DAW1: variants seen among roughly 807,000 people sequenced by gnomAD.
The protein encoded by DAW1 is dynein assembly factor with WD repeats 1, also known as dynein assembly factor with WD repeat domains 1.
Under a neutral mutation model 56.5 loss-of-function variants are expected in DAW1, and 47 were observed. The ratio of observed to expected loss-of-function variants is 0.83; its 90% CI spans 0.66 to 1.06. The LOEUF is 1.06. Among genes scored for constraint, DAW1 ranks in the 50% least tolerant of loss-of-function variants. The pLI, the probability that DAW1 is intolerant of heterozygous loss-of-function variation, is 0.00. For synonymous variants in DAW1, 190 were observed against 179.0 expected, an observed-to-expected ratio of 1.06 and a Z score of -0.49; for missense variants, 505 against 499.3, an observed-to-expected ratio of 1.01 and a Z score of -0.11.
chr2:227,911,334 GTATA>G (rs577818752), intron 10 of DAW1, among the ~76,000 whole-genome samples: 1 of 72,226 alleles, frequency 1.4e-5, no homozygotes. Flanking sequence ...ATATACATGT[GTATA>G]TATACACATG....
At chr2:227,906,205 T>C (rs1432667225) in intron 8 of DAW1, 31 bp from the exon 9 acceptor site, 3 of 1,552,272 alleles carry the variant, frequency 1.9e-6, no homozygotes, top group East Asian at 4.5e-5. Context: ...TAAGATATCT[T>C]TCACTAGTTT....
At chr2:227,903,593 T>C (rs1004910667) in intron 7 of DAW1, among the ~76,000 whole-genome samples, 2 of 152,054 alleles carry the variant, frequency 1.3e-5, no homozygotes, top group Non-Finnish European at 2.9e-5. Context: ...GGCATGCTCT[T>C]GTGTGTCACC....
rs768133407 is a variant in DAW1, at chr2:227,885,335, T to C, written c.41-16T>C. 6.4e-7 allele frequency: 1 copy of C among 1,551,428 alleles called. No individual in the cohort carries two copies. The highest frequency in any genetic ancestry group is 2.3e-5 in the East Asian group (1 of 43,200). Reference sequence around the variant, plus strand: ...TTATCGTAAGTGTTTTATAACATGTTTGTTTATTTCTATAGGAATTATGTT... The same window carrying C: ...TTATCGTAAGTGTTTTATAACATGTCTGTTTATTTCTATAGGAATTATGTT... On this transcript the variant is annotated splice_polypyrimidine_tract_variant and intron_variant, in intron 1 of 12. Transcript: ENST00000309931.
intron 10 of DAW1, among the ~76,000 whole-genome samples, chr2:227,916,545 T>C (rs1418660327): frequency 6.6e-6 from 1 of 152,186 alleles, no homozygotes; most frequent in East Asian, 1.9e-4. Context: ...TATTTCTCTG[T>C]CATCTTCTTG....
intron 10 of DAW1, among the ~76,000 whole-genome samples, chr2:227,913,999 TC>T (rs1691893588): frequency 2.0e-5 from 3 of 151,872 alleles, no homozygotes; most frequent in Non-Finnish European, 2.9e-5. Flanking sequence ...TCTCTCTCTC[TC>T]TCTCTCTCTC....
At chr2:227,900,958 C>G (rs1255255340) in intron 6 of DAW1, among the ~76,000 whole-genome samples, 2 of 152,164 alleles carry the variant, frequency 1.3e-5, no homozygotes, top group Non-Finnish European at 2.9e-5. Flanking sequence ...AGGTTATATA[C>G]TATGCTAAGG....
chr2:227,918,131 T>C (rs1437014242), intron 10 of DAW1, among the ~76,000 whole-genome samples: 4 of 145,524 alleles, frequency 2.7e-5, no homozygotes, highest in Non-Finnish European at 6.0e-5. Context: ...TCTCCATCCA[T>C]CCATCCATCC....
At chr2:227,909,262 A>ATCTGTCTGTCTGTCTGTCTG (rs1182910941) in intron 10 of DAW1, among the ~76,000 whole-genome samples, 2 of 139,692 alleles carry the variant, frequency 1.4e-5, no homozygotes, top group African/African-American at 5.2e-5. Flanking sequence ...CTATCTATCT[A>ATCTGTCTGTCTGTCTGTCTG]TCTATCTATC....
chr2:227,917,112 G>GTATCTATCTATCTATC lies in DAW1; in HGVS notation c.974-1650_974-1635dup, dbSNP rs57043132. ...GTCTCCCTCATGACCATGCATGACA[G>GTATCTATCTATCTATC]TATCTATCTATCTATCTATCTATCT... On this transcript the variant is annotated intron_variant, in intron 10 of 12. Transcript: ENST00000309931. Among the ~76,000 whole-genome samples, 176 of 148,528 alleles carry GTATCTATCTATCTATC rather than the reference G, an allele frequency of 1.2e-3. 1 individual carries two copies. Among genetic ancestry groups the GTATCTATCTATCTATC allele is most frequent in the Admixed American group, 1.8e-3 (27 of 14,836 alleles).
Position 227,898,279 on chromosome 2 carries a change from A to G in DAW1, c.538A>G (p.Ile180Val), listed in dbSNP as rs1307699125. 2.7e-6 allele frequency: 4 copies of G among 1,471,464 alleles called. No individual in the cohort carries two copies. The highest frequency in any genetic ancestry group is 2.7e-6 in the Non-Finnish European group (3 of 1,095,942). The allele number at this position is 1,471,464 out of a possible 1,614,324, so 91.2% of individuals were successfully genotyped here. A position where few individuals can be genotyped will look rare whatever the true frequency, so the allele number is the denominator to read the frequency against. The change falls in exon 6 of 13, where the codon ATA becomes GTA. Residue 180 changes from isoleucine to valine, a missense_variant and splice_region_variant. By Grantham distance (29) the Ile-to-Val change is conservative. Transcript: ENST00000309931. ...YHTFRGHTAE[I>V]VCLSFNPQST... is the part of the protein sequence containing the mutation. ...TACCTTCAGGGGTCATACAGCAGAA[A>G]TAGTGAGTATATTTAACAATTTATT...
chr2:227,889,832 A>G (rs1367805104), intron 2 of DAW1, 24 bp from the exon 3 acceptor site: 7 of 1,538,030 alleles, frequency 4.6e-6, no homozygotes, highest in Non-Finnish European at 5.2e-6. Context: ...AAATAAAAGA[A>G]ACTCTTTTTT....
rs543341354 is a variant in DAW1 at position 227,880,387 on chromosome 2, T to C, written c.41-4964T>C. On this transcript the variant is annotated intron_variant, in intron 1 of 12. Transcript: ENST00000309931. ...TTAATATGACACAAACAGTCTTTTT[T>C]TTTTTTTTTTACTCTAGGGAAATAA... is the stretch of plus-strand genomic sequence containing the variant. 2.0e-5 allele frequency among the ~76,000 whole-genome samples: 3 copies of C among 152,024 alleles called. No homozygotes were observed. In the South Asian group the frequency reaches 6.2e-4, roughly 32 times the overall value.
intron 1 of DAW1, among the ~76,000 whole-genome samples, chr2:227,881,093 A>G (rs573299817): frequency 5.9e-5 from 9 of 152,358 alleles, no homozygotes; most frequent in African/African-American, 1.7e-4. Flanking sequence ...AAAAGCCCAA[A>G]GAGGGTATAT....
At chr2:227,921,058 C>G (rs1692094550) in intron 11 of DAW1, among the ~76,000 whole-genome samples, 1 of 152,116 alleles carries the variant, frequency 6.6e-6, no homozygotes, top group Non-Finnish European at 1.5e-5. Context: ...TCATCCACAC[C>G]AGGGCCCTGC....
rs143319558 is a variant in DAW1 at position 227,904,953 on chromosome 2, T to C, written c.673T>C (p.Leu225=). ...GGGACATTCTGCCGAAATCATCTCC[T>C]TGTCATTTAACACCTCAGGAGACAG... ...LRGHSAEIIS[L]SFNTSGDRII... Residue 225 remains leucine, a synonymous_variant, in exon 8 of 13, where the codon TTG becomes CTG. Transcript: ENST00000309931. 7.3e-5 allele frequency: 118 copies of C among 1,613,534 alleles called. 1 individual carries two copies. The African/African-American group carries it at 1.4e-3, about 19-fold the overall frequency.
chr2:227,908,364 A>T (rs886852264), intron 10 of DAW1, among the ~76,000 whole-genome samples: 4 of 151,914 alleles, frequency 2.6e-5, no homozygotes, highest in African/African-American at 9.7e-5. Context: ...TGATACTAAC[A>T]CTCTGTCCAC....
chr2:227,904,438 A>C (rs1691629806), intron 7 of DAW1, among the ~76,000 whole-genome samples: 1 of 152,192 alleles, frequency 6.6e-6, no homozygotes, highest in Admixed American at 6.5e-5. Context: ...GTCAGGCCAA[A>C]GGCAGGAATT....
intron 11 of DAW1, among the ~76,000 whole-genome samples, chr2:227,920,399 G>A (rs1018304268): frequency 8.5e-5 from 13 of 152,144 alleles, no homozygotes; most frequent in Admixed American, 7.2e-4. Flanking sequence ...TCATTGAGGA[G>A]ATGGCCCGAA....
chr2:227,914,290 C>T (rs1178074163), intron 10 of DAW1, among the ~76,000 whole-genome samples: 1 of 152,006 alleles, frequency 6.6e-6, no homozygotes, highest in Non-Finnish European at 1.5e-5. Flanking sequence ...AATATGTCTG[C>T]ATCTTAAACT....
Sources: allele counts gnomAD v4.1 joint callset (sites outside exome capture counted in the v4.1 genomes callset), GRCh38; gene constraint gnomAD v4.1.1; transcripts MANE v1.5; gene names NCBI Gene and HGNC (gene_info 2026-07-23, HGNC 2026-07-21).